Variants in IL5RA observed in about 807,000 individuals in gnomAD.
The protein encoded by IL5RA is interleukin 5 receptor subunit alpha, also known as interleukin-5 receptor subunit alpha.
In IL5RA, 49 loss-of-function variants were observed where a neutral mutation model predicts 50.0. The observed-to-expected ratio is 0.98, with a 90% confidence interval of 0.78 to 1.24. The LOEUF (loss-of-function observed/expected upper bound fraction) is 1.24. Ranked by LOEUF, IL5RA falls within the 50% of genes most tolerant of loss-of-function variation. The pLI, the probability that IL5RA is intolerant of heterozygous loss-of-function variation, is 0.00. For synonymous variants in IL5RA, 202 were observed against 174.0 expected (o/e 1.16, Z -1.26); for missense variants, 600 against 500.4 (o/e 1.20, Z -1.90).
chr3:3,074,187 T>A (rs550014448), intron 11 of IL5RA, among the ~76,000 whole-genome samples: 1 of 152,350 alleles, frequency 6.6e-6, no homozygotes, highest in Non-Finnish European at 1.5e-5. Context: ...TTCTATGGTC[T>A]TTTTTATACT....
Position 3,102,579 on chromosome 3 carries a change from T to G in IL5RA, c.228+96A>C, listed in dbSNP as rs189328419. On this transcript the variant is annotated intron_variant, in intron 4 of 11. Transcript: ENST00000446632. ...ACATAACATAGAGCCTGTCAGTAAT[T>G]TTATTTTTTTAATCCAAAATTTTAT... is the stretch of plus-strand genomic sequence containing the variant. 205 of 852,292 alleles carry G rather than the reference T, an allele frequency of 2.4e-4. No homozygotes were observed. The African/African-American group carries it at 3.1e-3, about 13-fold the overall frequency. The allele number at this position is 852,292 out of a possible 1,614,324, so 52.8% of individuals were successfully genotyped here.
chr3:3,101,678 G>A lies in IL5RA; in HGVS notation c.367+14C>T, dbSNP rs752039459. ...CCAAAACATACAAACTGGACTTTTG[G>A]AGGCCTGCTTTACCTGGTGGGGCAT... On this transcript the variant is annotated intron_variant, in intron 5 of 11. Coordinates refer to ENST00000446632, the MANE Select transcript of IL5RA (RefSeq NM_175726.4). 3 of 1,606,160 alleles carry A rather than the reference G, an allele frequency of 1.9e-6. No individual in the cohort carries two copies. The South Asian group carries it at 3.4e-5, about 18-fold the overall frequency.
In IL5RA at chr3:3,066,515, C is replaced by T. The variant is rs1456331185; in HGVS notation, c.*3710G>A. 6.6e-6 allele frequency: 1 copy of T among 152,172 alleles called. No homozygotes were observed. The highest frequency in any genetic ancestry group is 1.5e-5 in the Non-Finnish European group (1 of 68,026). 9.4% of individuals were successfully genotyped at this position (152,172 alleles called of 1,614,324 possible). ...TGTAGAAGCAGGAATAGCTACAGTC[C>T]TTAGGCTAGCACCAAGTCCTATTCT... is the stretch of plus-strand genomic sequence containing the variant. On this transcript the variant is annotated 3_prime_UTR_variant, in exon 12 of 12. Transcript: ENST00000446632.
rs774941566 is a variant in IL5RA at position 3,092,376 on chromosome 3, G to A, written c.856-14C>T. ...CAATTTTTCTATCTAAGTGGGGAAA[G>A]ATAGCATTAGAAGAATCTCTAGACA... is the stretch of plus-strand genomic sequence containing the variant. On this transcript the variant is annotated splice_polypyrimidine_tract_variant and intron_variant, in intron 8 of 11. Coordinates refer to ENST00000446632, the MANE Select transcript of IL5RA (RefSeq NM_175726.4). The surrounding 1 kb of genome is among the most constrained non-coding windows in gnomAD (Gnocchi z 4.2). The A allele has an allele frequency of 2.5e-6, 4 of 1,610,652 alleles. No individual in the cohort carries two copies. Among genetic ancestry groups the A allele is most frequent in the Non-Finnish European group, 1.7e-6 (2 of 1,178,808 alleles).
At chr3:3,077,324 T>A (rs1441760004) in intron 9 of IL5RA, among the ~76,000 whole-genome samples, 1 of 152,254 alleles carries the variant, frequency 6.6e-6, no homozygotes, top group African/African-American at 2.4e-5. Context: ...TATTATACTT[T>A]AAGTTTTAGG....
Position 3,097,886 on chromosome 3 carries a change from A to C in IL5RA, c.693T>G (p.Phe231Leu). The C allele has an allele frequency of 6.2e-7, 1 of 1,613,914 alleles. No homozygotes were observed. The highest frequency in any genetic ancestry group is 2.2e-5 in the East Asian group (1 of 44,874). Residue 231 changes from phenylalanine to leucine, a missense_variant, in exon 7 of 12, where the codon TTT becomes TTG. By Grantham distance (22) the Phe-to-Leu change is conservative. Transcript: ENST00000446632. ...CGGTCTTACCAATGGCGTGAAGGGC[A>C]AACAGCTGATCAAAGGGCCTGATAG... ...HSAIRPFDQLFALHAIDQINP... is the reference protein window; with the variant it reads ...HSAIRPFDQLLALHAIDQINP...
chr3:3,090,668 G>A (rs1038952279), intron 9 of IL5RA, among the ~76,000 whole-genome samples: 1 of 147,942 alleles, frequency 6.8e-6, no homozygotes, highest in Non-Finnish European at 1.5e-5. Context: ...CCGGGTTCAC[G>A]CCATTCTCCT....
chr3:3,090,335 C>G (rs1703034383), intron 9 of IL5RA: 3 of 991,994 alleles, frequency 3.0e-6, no homozygotes, highest in South Asian at 1.5e-5. Flanking sequence ...CCTGGGCTTT[C>G]TATGTAAGGC....
intron 9 of IL5RA, among the ~76,000 whole-genome samples, chr3:3,088,529 A>G (rs960439321): frequency 6.6e-6 from 1 of 152,220 alleles, no homozygotes; most frequent in Non-Finnish European, 1.5e-5. Flanking sequence ...TGTCATCTCT[A>G]GCTTATAACA....
chr3:3,105,879 C>T (rs941790454), intron 2 of IL5RA, among the ~76,000 whole-genome samples: 2 of 152,162 alleles, frequency 1.3e-5, no homozygotes, highest in African/African-American at 4.8e-5. Context: ...TTCTTCTGCA[C>T]ATTTTGAAAG....
intron 4 of IL5RA, among the ~76,000 whole-genome samples, 167 bp downstream of exon 4, chr3:3,102,508 G>A (rs555696356): frequency 6.6e-6 from 1 of 152,140 alleles, no homozygotes; most frequent in Non-Finnish European, 1.5e-5. Flanking sequence ...CAATACACCC[G>A]GCGCTAGCTC....
chr3:3,084,480 T>C (rs1350533770), intron 9 of IL5RA, among the ~76,000 whole-genome samples: 1 of 152,232 alleles, frequency 6.6e-6, no homozygotes, highest in Admixed American at 6.5e-5. Flanking sequence ...ATGAATCTTA[T>C]GAAGAACTTG....
At position 3,092,404 on chromosome 3, in the gene IL5RA, T is replaced by C. The variant is rs776288567; in HGVS notation, c.856-42A>G. 1 of 1,590,300 alleles carries C rather than the reference T, an allele frequency of 6.3e-7. No homozygotes were observed. Among genetic ancestry groups the C allele is most frequent in the African/African-American group, 1.3e-5 (1 of 74,552 alleles). On this transcript the variant is annotated intron_variant, in intron 8 of 11. Transcript: ENST00000446632. This position sits in a 1 kb window ranked among gnomAD's most constrained non-coding sequence, Gnocchi z 4.2. ...AGCATTAGAAGAATCTCTAGACACC[T>C]AATTTAGTTCTGCCGATTATCAGAA...
In IL5RA at chr3:3,092,558, G is replaced by A. The variant is rs567229334; in HGVS notation, c.856-196C>T. On this transcript the variant is annotated intron_variant, in intron 8 of 11. Coordinates refer to ENST00000446632, the MANE Select transcript of IL5RA (RefSeq NM_175726.4). This position sits in a 1 kb window ranked among gnomAD's most constrained non-coding sequence, Gnocchi z 4.2. ...GTTGGCAGTCACCCTTCAGTGGAACGCTATCTTGTAACCAAAATATACGAA... is the reference window on the plus strand; with the variant it reads ...GTTGGCAGTCACCCTTCAGTGGAACACTATCTTGTAACCAAAATATACGAA... 7.2e-5 allele frequency among the ~76,000 whole-genome samples: 11 copies of A among 152,264 alleles called. No individual in the cohort carries two copies. The highest frequency in any genetic ancestry group is 1.9e-4 in the East Asian group (1 of 5,186).
Position 3,070,175 on chromosome 3 carries a change from C to G in IL5RA, c.*50G>C, listed in dbSNP as rs113153532. 3 of 1,185,692 alleles carry G rather than the reference C, an allele frequency of 2.5e-6. No individual in the cohort carries two copies. The highest frequency in any genetic ancestry group is 1.3e-5 in the South Asian group (1 of 78,226). The allele number at this position is 1,185,692 out of a possible 1,614,324, so 73.4% of individuals were successfully genotyped here. On this transcript the variant is annotated 3_prime_UTR_variant, in exon 12 of 12. Coordinates refer to ENST00000446632, the MANE Select transcript of IL5RA (RefSeq NM_175726.4). ...AGAGCCAGCATCCCTGTTCTTTTCA[C>G]TGAGGCACTGAGGCATGTGTGAGTT...
chr3:3,108,382 G>C (rs1200404900), intron 2 of IL5RA, among the ~76,000 whole-genome samples, 168 bp downstream of exon 2: 1 of 152,106 alleles, frequency 6.6e-6, no homozygotes, highest in African/African-American at 2.4e-5. Flanking sequence ...TCAGGTTGTG[G>C]CTGTAAACAT....
At position 3,070,099 on chromosome 3, in the gene IL5RA, T is replaced by G; in HGVS notation, c.*126A>C. 1.5e-6 allele frequency: 1 copy of G among 680,718 alleles called. No individual in the cohort carries two copies. The highest frequency in any genetic ancestry group is 2.6e-6 in the Non-Finnish European group (1 of 378,952). 42.2% of individuals were successfully genotyped at this position (680,718 alleles called of 1,614,324 possible). On this transcript the variant is annotated 3_prime_UTR_variant, in exon 12 of 12. Transcript: ENST00000446632. ...ACAAGACTGGTGTGTCTGGGTGTAT[T>G]GCTTCGCAGGTAAATTGAGTGTTGC...
intron 7 of IL5RA, 141 bp downstream of exon 7, chr3:3,097,729 G>T (rs1306293706): frequency 2.4e-6 from 2 of 848,282 alleles, no homozygotes; most frequent in Non-Finnish European, 3.6e-6. Context: ...GGAGAACCTT[G>T]CCCCAGTGGT....
At chr3:3,077,089 T>C (rs534529341) in intron 9 of IL5RA, among the ~76,000 whole-genome samples, 21 of 152,364 alleles carry the variant, frequency 1.4e-4, no homozygotes, top group Middle Eastern at 3.4e-3. Flanking sequence ...TATGAGATAA[T>C]ACTTGTAGTG....
Sources: allele counts gnomAD v4.1 joint callset (sites outside exome capture counted in the v4.1 genomes callset), GRCh38; gene constraint gnomAD v4.1.1; non-coding constraint Gnocchi (gnomAD v3.1); transcripts MANE v1.5; gene names NCBI Gene and HGNC (gene_info 2026-07-23, HGNC 2026-07-21).